Variants in GMDS observed in about 807,000 individuals in gnomAD.
GMDS encodes GDP-mannose 4,6-dehydratase, also known as GDP-mannose 4,6 dehydratase.
In GMDS, 20 loss-of-function variants were observed where a neutral mutation model predicts 49.9. The ratio of observed to expected loss-of-function variants is 0.40; its 90% confidence interval spans 0.28 to 0.58. The LOEUF (loss-of-function observed/expected upper bound fraction) is 0.58, where lower values mean the gene tolerates loss of function less well. Ranked by LOEUF, GMDS falls within the 20% of genes least tolerant of loss-of-function variation. The pLI is 0.42. For synonymous variants in GMDS, 177 were observed against 178.6 expected (o/e 0.99, Z 0.07); for missense variants, 362 against 481.4 (o/e 0.75, Z 2.32).
chr6:1,854,283 T>G (rs557574857), intron 7 of GMDS, among the ~76,000 whole-genome samples: 1 of 152,296 alleles, frequency 6.6e-6, no homozygotes, highest in Admixed American at 6.5e-5. Context: ...GACATTGAGT[T>G]TACCTTAATG....
intron 4 of GMDS, among the ~76,000 whole-genome samples, chr6:1,977,254 T>G (rs892961697): frequency 2.0e-5 from 3 of 152,158 alleles, no homozygotes; most frequent in African/African-American, 7.2e-5. Context: ...ACATAGAAAG[T>G]TACTTATGAC....
At chr6:2,212,270 A>G (rs970543940) in intron 1 of GMDS, among the ~76,000 whole-genome samples, 1 of 152,198 alleles carries the variant, frequency 6.6e-6, no homozygotes, top group Non-Finnish European at 1.5e-5. Flanking sequence ...TCTACTTGGG[A>G]AAGTTAAGAG....
At chr6:2,149,206 G>A (rs1776723087) in intron 1 of GMDS, among the ~76,000 whole-genome samples, 1 of 152,060 alleles carries the variant, frequency 6.6e-6, no homozygotes, top group South Asian at 2.1e-4. Context: ...AAAAAGGTAG[G>A]CAACTATATA....
chr6:1,878,943 T>C (rs978487556), intron 7 of GMDS, among the ~76,000 whole-genome samples: 2 of 152,308 alleles, frequency 1.3e-5, no homozygotes, highest in Non-Finnish European at 2.9e-5. Context: ...GTGATTATAC[T>C]TGGTTTCTGC....
intron 7 of GMDS, among the ~76,000 whole-genome samples, chr6:1,757,113 G>C (rs967417876): frequency 1.3e-5 from 2 of 152,162 alleles, no homozygotes; most frequent in Non-Finnish European, 2.9e-5. Context: ...TATTATTCTT[G>C]TCTCTAATAT....
At chr6:1,894,729 A>AT (rs1352008312) in intron 7 of GMDS, among the ~76,000 whole-genome samples, 7 of 152,200 alleles carry the variant, frequency 4.6e-5, no homozygotes, top group Non-Finnish European at 2.9e-5. Context: ...TAATACAATC[A>AT]TTTTTTTAAA....
At chr6:1,738,768 G>A (rs557127110) in intron 8 of GMDS, among the ~76,000 whole-genome samples, 2 of 152,266 alleles carry the variant, frequency 1.3e-5, no homozygotes, top group African/African-American at 4.8e-5. Context: ...ACCAAATCCC[G>A]CTGATTCTAA....
intron 1 of GMDS, among the ~76,000 whole-genome samples, chr6:2,163,524 A>AG (rs1250654472): frequency 6.6e-6 from 1 of 152,196 alleles, no homozygotes; most frequent in Non-Finnish European, 1.5e-5. Flanking sequence ...AATAAGCTGT[A>AG]GACCCAGGAG....
rs1320660186 is a variant in GMDS, at chr6:2,245,544, G to C, written c.-122C>G. 4 of 485,528 alleles carry C rather than the reference G, an allele frequency of 8.2e-6. No individual in the cohort carries two copies. The highest frequency in any genetic ancestry group is 4.1e-5 in the African/African-American group (2 of 48,652). The allele number at this position is 485,528 out of a possible 1,614,324, so 30.1% of individuals were successfully genotyped here. A position where few individuals can be genotyped will look rare whatever the true frequency, so the allele number is the denominator to read the frequency against. On this transcript the variant is annotated 5_prime_UTR_variant, in exon 1 of 11. Coordinates refer to ENST00000380815, the MANE Select transcript of GMDS (RefSeq NM_001500.4). ...TCTCCAGGCTGCGGGCAGGGAGGGA[G>C]AGCGCACCGCGCGACCGGCCGCCAC... is the stretch of plus-strand genomic sequence containing the variant.
At chr6:2,155,476 T>C (rs981383965) in intron 1 of GMDS, among the ~76,000 whole-genome samples, 10 of 152,314 alleles carry the variant, frequency 6.6e-5, no homozygotes, top group South Asian at 2.1e-4. Context: ...AAATTTATTT[T>C]GGACCTCTCT....
chr6:2,184,143 G>A (rs1000902252), intron 1 of GMDS, among the ~76,000 whole-genome samples: 7 of 152,106 alleles, frequency 4.6e-5, no homozygotes, highest in East Asian at 3.9e-4. Flanking sequence ...TCATACAGGC[G>A]GTCAACTTCT....
chr6:2,168,159 C>T (rs1777760770), intron 1 of GMDS, among the ~76,000 whole-genome samples: 2 of 152,110 alleles, frequency 1.3e-5, no homozygotes, highest in Admixed American at 1.3e-4. Flanking sequence ...TCTACATTTG[C>T]CTGCTCTTTC....
chr6:2,034,631 A>G (rs1048471599), intron 4 of GMDS, among the ~76,000 whole-genome samples: 5 of 152,362 alleles, frequency 3.3e-5, no homozygotes, highest in South Asian at 4.1e-4. Flanking sequence ...ACTGGCTCAC[A>G]GGCCAACAGT....
intron 4 of GMDS, among the ~76,000 whole-genome samples, chr6:2,075,815 C>A (rs996437711): frequency 8.5e-5 from 13 of 152,270 alleles, no homozygotes; most frequent in Admixed American, 1.3e-4. Flanking sequence ...AATTCTAGAT[C>A]CCTGAGGGAT....
chr6:2,211,963 A>T (rs1255102035), intron 1 of GMDS, among the ~76,000 whole-genome samples: 2 of 152,218 alleles, frequency 1.3e-5, no homozygotes, highest in Non-Finnish European at 2.9e-5. Context: ...ATTTAACTAA[A>T]CCTTCAACAA....
At chr6:1,817,832 G>T (rs544788267) in intron 7 of GMDS, among the ~76,000 whole-genome samples, 12 of 152,212 alleles carry the variant, frequency 7.9e-5, no homozygotes, top group African/African-American at 2.9e-4. Flanking sequence ...CTGGTTAACA[G>T]CAGGAAAAGC....
chr6:2,027,970 A>G (rs917213424), intron 4 of GMDS, among the ~76,000 whole-genome samples: 5 of 152,292 alleles, frequency 3.3e-5, no homozygotes, highest in Admixed American at 6.5e-5. Context: ...TAGTGTCTAT[A>G]GTTCTTTGAA....
At chr6:1,845,391 T>C (rs1757350691) in intron 7 of GMDS, among the ~76,000 whole-genome samples, 1 of 152,192 alleles carries the variant, frequency 6.6e-6, no homozygotes, top group African/African-American at 2.4e-5. Flanking sequence ...GATGAGCATA[T>C]ATATATAAAA....
chr6:1,751,013 C>A (rs915187210), intron 7 of GMDS, among the ~76,000 whole-genome samples: 4 of 152,302 alleles, frequency 2.6e-5, no homozygotes, highest in Admixed American at 6.5e-5. Flanking sequence ...GGCCAGACTG[C>A]CTCTCTAGAT....
Sources: gnomAD v4.1 joint callset for allele counts (sites outside exome capture counted in the v4.1 genomes callset) on GRCh38, gnomAD v4.1.1 for gene constraint, MANE v1.5 for transcripts, NCBI Gene and HGNC (gene_info 2026-07-23, HGNC 2026-07-21) for gene names.